TSC22D1: variants seen among roughly 807,000 people sequenced by gnomAD.
The protein encoded by TSC22D1 is TSC22 domain family protein 1.
In TSC22D1, 9 loss-of-function variants were observed where a neutral mutation model predicts 74.2. The observed-to-expected ratio is 0.12, with a 90% CI of 0.07 to 0.21. TSC22D1 has a LOEUF of 0.21. Ranked by LOEUF, TSC22D1 falls within the 10% of genes least tolerant of loss-of-function variation. The probability of loss-of-function intolerance (pLI) is 1.00; values close to 1 mark genes in which losing one functional copy is unlikely to be tolerated. For missense variants in TSC22D1, 1,427 were observed against 1,304.7 expected, an observed-to-expected ratio of 1.09 and a Z score of -1.44; for synonymous variants, 586 against 492.5, an observed-to-expected ratio of 1.19 and a Z score of -2.51.
intron 1 of TSC22D1, among the ~76,000 whole-genome samples, chr13:44,457,102 G>A (rs375581563): frequency 2.0e-4 from 30 of 152,324 alleles, no homozygotes; most frequent in African/African-American, 6.0e-4. Flanking sequence ...CAATTTGAGC[G>A]TAATGCACAT....
intron 1 of TSC22D1, among the ~76,000 whole-genome samples, chr13:44,457,637 CAAAAAAAA>C (rs10692086): frequency 3.5e-5 from 3 of 85,416 alleles, no homozygotes; most frequent in East Asian, 3.7e-4. Flanking sequence ...AAGCAAATAG[CAAAAAAAA>C]AAAAAAAAAA....
chr13:44,547,836 T>A (rs1419983796), intron 1 of TSC22D1, among the ~76,000 whole-genome samples: 6 of 152,128 alleles, frequency 3.9e-5, no homozygotes, highest in Non-Finnish European at 8.8e-5. Context: ...TGGAATGCAG[T>A]GGCTAGTTAC....
intron 1 of TSC22D1, among the ~76,000 whole-genome samples, chr13:44,491,779 G>A (rs1159110131): frequency 2.6e-5 from 4 of 152,102 alleles, no homozygotes; most frequent in South Asian, 2.1e-4. Context: ...GAAGCAGCCC[G>A]ACAATATCAA....
chr13:44,554,991 G>A (rs1882534445), intron 1 of TSC22D1, among the ~76,000 whole-genome samples: 1 of 151,890 alleles, frequency 6.6e-6, no homozygotes, highest in African/African-American at 2.4e-5. Flanking sequence ...GTTTTTGTTA[G>A]GCCAATGTGT....
intron 1 of TSC22D1, among the ~76,000 whole-genome samples, chr13:44,571,198 C>G (rs1883740639): frequency 6.6e-6 from 1 of 152,196 alleles, no homozygotes; most frequent in Admixed American, 6.5e-5. Context: ...TGTACAGTGT[C>G]TGAAGACAAC....
chr13:44,456,403 T>C (rs1318551957), intron 1 of TSC22D1, among the ~76,000 whole-genome samples: 4 of 152,154 alleles, frequency 2.6e-5, no homozygotes, highest in Non-Finnish European at 5.9e-5. Context: ...GATTGGTGCG[T>C]TTACAAACCT....
At chr13:44,572,322 AATAATGTAC>A (rs1883825090) in intron 1 of TSC22D1, among the ~76,000 whole-genome samples, 1 of 152,234 alleles carries the variant, frequency 6.6e-6, no homozygotes, top group Non-Finnish European at 1.5e-5. Context: ...CGCTTGGTTT[AATAATGTAC>A]TTTAGGCTTT....
intron 1 of TSC22D1, chr13:44,537,184 AT>A: frequency 1.1e-6 from 1 of 871,864 alleles, no homozygotes. Context: ...CTAGAAAAAA[AT>A]AGTTTATATT....
At chr13:44,456,573 G>T (rs570062692) in intron 1 of TSC22D1, among the ~76,000 whole-genome samples, 1 of 152,164 alleles carries the variant, frequency 6.6e-6, no homozygotes, top group African/African-American at 2.4e-5. Flanking sequence ...AAGCCCAGCC[G>T]GCTTCACCTT....
At chr13:44,478,317 C>T (rs1878019709) in intron 1 of TSC22D1, among the ~76,000 whole-genome samples, 1 of 152,076 alleles carries the variant, frequency 6.6e-6, no homozygotes, top group African/African-American at 2.4e-5. Context: ...GAACTCCACA[C>T]ACTAAGTACT....
chr13:44,490,832 G>C (rs1043856421), intron 1 of TSC22D1, among the ~76,000 whole-genome samples: 1 of 151,602 alleles, frequency 6.6e-6, no homozygotes, highest in Admixed American at 6.6e-5. Context: ...GGGAGGTGGA[G>C]GTTGCGGTGA....
chr13:44,520,323 T>C (rs1013209762), intron 1 of TSC22D1, among the ~76,000 whole-genome samples: 2 of 152,168 alleles, frequency 1.3e-5, no homozygotes, highest in Middle Eastern at 6.3e-3. Flanking sequence ...GAGAATGTAG[T>C]CTACTGTTTC....
intron 1 of TSC22D1, among the ~76,000 whole-genome samples, chr13:44,570,848 T>C (rs1355239965): frequency 1.3e-5 from 2 of 152,246 alleles, no homozygotes; most frequent in African/African-American, 4.8e-5. Flanking sequence ...TTTTTAATCA[T>C]ATCACTGTTT....
chr13:44,478,341 A>C (rs1016082270), intron 1 of TSC22D1, among the ~76,000 whole-genome samples: 2 of 152,192 alleles, frequency 1.3e-5, no homozygotes, highest in Non-Finnish European at 2.9e-5. Flanking sequence ...TACGTATATT[A>C]CCTCATGTAA....
At chr13:44,513,291 A>C (rs1879825183) in intron 1 of TSC22D1, among the ~76,000 whole-genome samples, 1 of 152,236 alleles carries the variant, frequency 6.6e-6, no homozygotes, top group South Asian at 2.1e-4. Context: ...AGTTCATTAA[A>C]ATCACTTATA....
intron 1 of TSC22D1, among the ~76,000 whole-genome samples, chr13:44,572,192 G>A (rs1014632009): frequency 6.6e-6 from 1 of 151,934 alleles, no homozygotes; most frequent in Non-Finnish European, 1.5e-5. Context: ...TTTGTGAAAA[G>A]AACATTACTT....
intron 1 of TSC22D1, among the ~76,000 whole-genome samples, chr13:44,525,973 G>A (rs544489790): frequency 4.6e-5 from 7 of 152,128 alleles, no homozygotes; most frequent in East Asian, 3.9e-4. Flanking sequence ...TTGGTGGCTT[G>A]CGCCTGCAGT....
intron 1 of TSC22D1, among the ~76,000 whole-genome samples, chr13:44,546,393 C>T (rs1245689281): frequency 1.3e-5 from 2 of 152,180 alleles, no homozygotes; most frequent in African/African-American, 4.8e-5. Flanking sequence ...TCATGTACCT[C>T]CTTATCTACT....
intron 1 of TSC22D1, among the ~76,000 whole-genome samples, chr13:44,453,082 T>A (rs2138918503): frequency 6.6e-6 from 1 of 152,344 alleles, no homozygotes; most frequent in Non-Finnish European, 1.5e-5. Context: ...TTACCCAAGT[T>A]ATTTTTTAAG....
Sources: allele counts gnomAD v4.1 joint callset (sites outside exome capture counted in the v4.1 genomes callset), GRCh38; gene constraint gnomAD v4.1.1; transcripts MANE v1.5; gene names NCBI Gene and HGNC (gene_info 2026-07-23, HGNC 2026-07-21).